The following TESK2 variants were observed in gnomAD, a reference collection of about 807,000 sequenced individuals.
TESK2 encodes testis associated actin remodelling kinase 2.
In TESK2, 39 loss-of-function variants were observed where a neutral mutation model predicts 57.1. The ratio of observed to expected loss-of-function variants is 0.68; its 90% confidence interval spans 0.53 to 0.89. The LOEUF (loss-of-function observed/expected upper bound fraction) is 0.89, where lower values mean the gene tolerates loss of function less well. Among genes scored for constraint, TESK2 ranks in the 40% least tolerant of loss-of-function variants. TESK2 has a pLI of 0.00. For missense variants in TESK2, 646 were observed against 732.1 expected (o/e 0.88, Z 1.36); for synonymous variants, 249 against 267.9 (o/e 0.93, Z 0.69).
intron 1 of TESK2, among the ~76,000 whole-genome samples, chr1:45,485,951 A>G (rs1653461222): frequency 6.6e-6 from 1 of 152,168 alleles, no homozygotes; most frequent in African/African-American, 2.4e-5. Context: ...TATATTAACC[A>G]TCATATAGTT....
At chr1:45,484,803 G>A (rs1326173995) in intron 1 of TESK2, among the ~76,000 whole-genome samples, 3 of 151,018 alleles carry the variant, frequency 2.0e-5, no homozygotes, top group East Asian at 2.0e-4. Context: ...AGGCCGAGGC[G>A]GGTAGATCAC....
intron 3 of TESK2, among the ~76,000 whole-genome samples, chr1:45,391,425 C>G (rs1173501629): frequency 1.3e-5 from 2 of 151,930 alleles, no homozygotes; most frequent in African/African-American, 4.8e-5. Context: ...TTGCTGTTGT[C>G]CAGGTTGGTC....
At chr1:45,455,383 C>G (rs1171916482) in intron 2 of TESK2, among the ~76,000 whole-genome samples, 1 of 152,174 alleles carries the variant, frequency 6.6e-6, no homozygotes, top group South Asian at 2.1e-4. Context: ...ATCCTGTACT[C>G]TTTAACAAAT....
intron 1 of TESK2, among the ~76,000 whole-genome samples, chr1:45,468,245 T>C (rs1328767383): frequency 6.6e-6 from 1 of 151,884 alleles, no homozygotes. Flanking sequence ...TATCACATGC[T>C]AAAGTAATAC....
intron 3 of TESK2, among the ~76,000 whole-genome samples, chr1:45,413,197 A>G (rs932278620): frequency 2.6e-5 from 4 of 152,144 alleles, no homozygotes; most frequent in Admixed American, 1.3e-4. Context: ...TTTTTAACTG[A>G]TAACTTTGAG....
intron 5 of TESK2, among the ~76,000 whole-genome samples, chr1:45,354,520 G>C (rs1395807769): frequency 6.6e-6 from 1 of 152,050 alleles, no homozygotes; most frequent in Non-Finnish European, 1.5e-5. Context: ...CAGCTACTCA[G>C]GAGGCTGAGG....
At chr1:45,356,775 A>C (rs1647442227) in intron 4 of TESK2, among the ~76,000 whole-genome samples, 1 of 152,196 alleles carries the variant, frequency 6.6e-6, no homozygotes, top group Admixed American at 6.5e-5. Context: ...TTAGGAGGCA[A>C]AAACATTGAG....
intron 2 of TESK2, among the ~76,000 whole-genome samples, chr1:45,445,991 C>T (rs1480992818): frequency 2.0e-5 from 3 of 151,886 alleles, no homozygotes; most frequent in Admixed American, 6.6e-5. Flanking sequence ...ATATAATTTA[C>T]AAAAATTGTC....
chr1:45,460,420 T>C (rs2149300895), intron 1 of TESK2, among the ~76,000 whole-genome samples: 1 of 152,050 alleles, frequency 6.6e-6, no homozygotes, highest in South Asian at 2.1e-4. Context: ...CTCGGGAAGC[T>C]GAGGCAGGAG....
At chr1:45,349,183 C>T (rs1647199794) in intron 5 of TESK2, among the ~76,000 whole-genome samples, 1 of 151,476 alleles carries the variant, frequency 6.6e-6, no homozygotes, top group Admixed American at 6.6e-5. Flanking sequence ...AAGTCACCTC[C>T]TGCTTACTCC....
At chr1:45,422,019 G>A (rs1244783541) in intron 2 of TESK2, among the ~76,000 whole-genome samples, 173 bp from the exon 3 acceptor site, 2 of 152,118 alleles carry the variant, frequency 1.3e-5, no homozygotes, top group African/African-American at 2.4e-5. Flanking sequence ...TTCTACCCAA[G>A]AACAGTATTA....
chr1:45,415,088 C>A, intron 3 of TESK2: 1 of 1,410,106 alleles, frequency 7.1e-7, no homozygotes, highest in Non-Finnish European at 1.0e-6. Flanking sequence ...ACGTCTCCTT[C>A]GAGCTGTTTG....
At chr1:45,488,434 G>A (rs1489974210) in intron 1 of TESK2, among the ~76,000 whole-genome samples, 2 of 152,148 alleles carry the variant, frequency 1.3e-5, no homozygotes, top group African/African-American at 4.8e-5. Flanking sequence ...TATCCTTTTG[G>A]TGTCAAAGGG....
intron 2 of TESK2, among the ~76,000 whole-genome samples, chr1:45,430,654 T>G (rs1224687444): frequency 2.6e-5 from 4 of 152,198 alleles, no homozygotes; most frequent in Non-Finnish European, 4.4e-5. Context: ...TAGGGTTAGT[T>G]TGTACTGTAG....
chr1:45,482,378 C>T (rs1409716823), intron 1 of TESK2, among the ~76,000 whole-genome samples: 1 of 151,746 alleles, frequency 6.6e-6, no homozygotes, highest in Non-Finnish European at 1.5e-5. Context: ...AAAATAAAAA[C>T]TTATCCTGGA....
chr1:45,460,610 A>G (rs1009608055), intron 1 of TESK2, among the ~76,000 whole-genome samples: 21 of 152,062 alleles, frequency 1.4e-4, no homozygotes, highest in Non-Finnish European at 1.8e-4. Flanking sequence ...CTGAAGTGCA[A>G]TGGTGCTATC....
At chr1:45,358,973 T>C (rs1010681304) in intron 4 of TESK2, among the ~76,000 whole-genome samples, 3 of 152,206 alleles carry the variant, frequency 2.0e-5, no homozygotes, top group Non-Finnish European at 4.4e-5. Flanking sequence ...CCTTATATGA[T>C]GTATTATCTC....
intron 2 of TESK2, among the ~76,000 whole-genome samples, chr1:45,454,020 T>C (rs1187772326): frequency 6.6e-6 from 1 of 152,016 alleles, no homozygotes; most frequent in Non-Finnish European, 1.5e-5. Flanking sequence ...GAAAAATAAG[T>C]GTCAGTGAGC....
chr1:45,465,257 G>A (rs1652497649), intron 1 of TESK2, among the ~76,000 whole-genome samples: 1 of 151,456 alleles, frequency 6.6e-6, no homozygotes, highest in Non-Finnish European at 1.5e-5. Context: ...AAAAAGAAAA[G>A]AAAATTAACC....
Sources: gnomAD v4.1 joint callset for allele counts (sites outside exome capture counted in the v4.1 genomes callset) on GRCh38, gnomAD v4.1.1 for gene constraint, MANE v1.5 for transcripts, NCBI Gene and HGNC (gene_info 2026-07-23, HGNC 2026-07-21) for gene names.